Variants in FCRL3 observed in about 807,000 individuals in gnomAD.
The protein encoded by FCRL3 is Fc receptor like 3.
In FCRL3, 89 loss-of-function variants were observed where a neutral mutation model predicts 75.0. That is an observed-to-expected ratio of 1.19 (90% confidence interval 1.00 to 1.42). The LOEUF (loss-of-function observed/expected upper bound fraction) is 1.42. FCRL3 is among the 40% of genes most tolerant of loss of function. The probability of loss-of-function intolerance (pLI) is 0.00; values close to 1 mark genes in which losing one functional copy is unlikely to be tolerated. For synonymous variants in FCRL3, 376 were observed against 348.5 expected (o/e 1.08, Z -0.88); for missense variants, 946 against 880.0 (o/e 1.07, Z -0.95).
intron 10 of FCRL3, among the ~76,000 whole-genome samples, chr1:157,688,085 C>T (rs971554763): frequency 2.0e-5 from 3 of 151,702 alleles, no homozygotes; most frequent in Non-Finnish European, 2.9e-5. Flanking sequence ...GACATGAAAC[C>T]TAATCATATC....
At chr1:157,690,093 C>T (rs934343217) in intron 9 of FCRL3, among the ~76,000 whole-genome samples, 162 bp downstream of exon 9, 4 of 152,330 alleles carry the variant, frequency 2.6e-5, no homozygotes, top group South Asian at 4.1e-4. Flanking sequence ...AAATGTATTT[C>T]CTTTCCCTCT....
In FCRL3 at chr1:157,678,215, T is replaced by G; in HGVS notation, c.*495A>C. 1 of 987,446 alleles carries G rather than the reference T, an allele frequency of 1.0e-6. No individual in the cohort carries two copies. 61.2% of individuals were successfully genotyped at this position (987,446 alleles called of 1,614,324 possible). A position where few individuals can be genotyped will look rare whatever the true frequency, so the allele number is the denominator to read the frequency against. On this transcript the variant is annotated 3_prime_UTR_variant, in exon 15 of 15. Transcript: ENST00000368184. Reference sequence around the variant, plus strand: ...AGATAGAGTCACCTTAAATTCTTGTTCTATAACTTCTTTTGGCTGTTCCCA... The same window carrying G: ...AGATAGAGTCACCTTAAATTCTTGTGCTATAACTTCTTTTGGCTGTTCCCA...
In FCRL3 at chr1:157,690,513, G is replaced by A. The variant is rs1571205348; in HGVS notation, c.1432C>T (p.Leu478Phe). ...RVTVPVSRPV[L>F]TLRAPGAQAV... is the part of the protein sequence containing the mutation. ...TGGGCCCCGGGAGCCCTGAGGGTGAGGACGGGGCGAGACACCGGAACTGAG... is the reference window on the plus strand; with the variant it reads ...TGGGCCCCGGGAGCCCTGAGGGTGAAGACGGGGCGAGACACCGGAACTGAG... Residue 478 changes from leucine (L) to phenylalanine (F), a missense_variant, in exon 9 of 15, where the codon CTC (leucine) becomes TTC (phenylalanine). Leu to Phe is a conservative substitution (Grantham distance 22, BLOSUM62 0). Transcript: ENST00000368184. 12 of 1,614,226 alleles carry A rather than the reference G, an allele frequency of 7.4e-6. No individual in the cohort carries two copies. The East Asian group carries it at 2.7e-4, about 36-fold the overall frequency.
At position 157,697,124 on chromosome 1, in the gene FCRL3, C is replaced by T. The variant is rs376560506; in HGVS notation, c.844+16G>A. 3.2e-5 allele frequency: 45 copies of T among 1,417,330 alleles called. No homozygotes were observed. The highest frequency in any genetic ancestry group is 4.1e-5 in the Non-Finnish European group (44 of 1,079,878). The allele number at this position is 1,417,330 out of a possible 1,614,324, so 87.8% of individuals were successfully genotyped here. A position where few individuals can be genotyped will look rare whatever the true frequency, so the allele number is the denominator to read the frequency against. On this transcript the variant is annotated intron_variant, in intron 6 of 14. Transcript: ENST00000368184. ...CCCAGCTCTGACTCTGGAAGAGCAG[C>T]CCCTTAGACACTCACTCTGTACACG...
At position 157,676,893 on chromosome 1, in the gene FCRL3, C is replaced by A; in HGVS notation, c.*1817G>T. ...CAGGGTTAGAAAGGAGGAGAGCCTC[C>A]ATATACAGCCTGGTGGTTGGTACCC... On this transcript the variant is annotated 3_prime_UTR_variant, in exon 15 of 15. Coordinates refer to ENST00000368184, the MANE Select transcript of FCRL3 (RefSeq NM_052939.4). The A allele has an allele frequency of 1.4e-6, 2 of 1,475,718 alleles. No homozygotes were observed. The highest frequency in any genetic ancestry group is 1.8e-6 in the Non-Finnish European group (2 of 1,116,480). 91.4% of individuals were successfully genotyped at this position (1,475,718 alleles called of 1,614,324 possible).
At chr1:157,697,956 T>C (rs1656062531) in intron 4 of FCRL3, 37 bp from the exon 5 acceptor site, 3 of 1,596,068 alleles carry the variant, frequency 1.9e-6, no homozygotes, top group Non-Finnish European at 2.6e-6. Flanking sequence ...GGTTATCCCC[T>C]GCTGTTTCTG....
In FCRL3 at chr1:157,677,838, A is replaced by G. The variant is rs1654556901; in HGVS notation, c.*872T>C. The stretch of plus-strand genomic sequence containing the variant: ...ATTAATATGATAGAAATAGGAGAGC[A>G]TGGGAATAATGAACATGAGATTTAG... On this transcript the variant is annotated 3_prime_UTR_variant, in exon 15 of 15. Coordinates refer to ENST00000368184, the MANE Select transcript of FCRL3 (RefSeq NM_052939.4). 2 of 581,244 alleles carry G rather than the reference A, an allele frequency of 3.4e-6. No individual in the cohort carries two copies. Among genetic ancestry groups the G allele is most frequent in the Admixed American group, 6.4e-5 (1 of 15,726 alleles). 36.0% of individuals were successfully genotyped at this position (581,244 alleles called of 1,614,324 possible). A position where few individuals can be genotyped will look rare whatever the true frequency, so the allele number is the denominator to read the frequency against.
Position 157,678,969 on chromosome 1 carries a change from A to G in FCRL3, c.2031T>C (p.Asn677=), listed in dbSNP as rs1348533890. ...SIQHTKENSA[N]CPMMHQEHEE... is the part of the protein sequence containing the mutation. Reference sequence around the variant, plus strand: ...CATGCTCTTGATGCATCATTGGACAATTAGCTGTTGGGTAGGAGTAGCAAA... The same window carrying G: ...CATGCTCTTGATGCATCATTGGACAGTTAGCTGTTGGGTAGGAGTAGCAAA... Residue 677 remains asparagine, a synonymous_variant, in exon 14 of 15, where the codon AAT becomes AAC. Transcript: ENST00000368184. 2 of 1,614,054 alleles carry G rather than the reference A, an allele frequency of 1.2e-6. No individual in the cohort carries two copies. Among genetic ancestry groups the G allele is most frequent in the Non-Finnish European group, 1.7e-6 (2 of 1,180,020 alleles).
intron 10 of FCRL3, among the ~76,000 whole-genome samples, chr1:157,683,878 C>G (rs190901343): frequency 2.0e-5 from 3 of 152,284 alleles, no homozygotes; most frequent in Admixed American, 2.0e-4. Flanking sequence ...AGTAAACTGT[C>G]TCCATGCACA....
chr1:157,679,030 T>C (rs1221428835), intron 13 of FCRL3, 57 bp from the exon 14 acceptor site: 7 of 1,577,198 alleles, frequency 4.4e-6, no homozygotes, highest in African/African-American at 1.3e-5. Flanking sequence ...TATTCCAACT[T>C]ACAACGTACG....
rs1268781716 is a variant in FCRL3 at position 157,677,616 on chromosome 1, T to G, written c.*1094A>C. Reference sequence around the variant, plus strand: ...TTGATGGTGATAGCTAGGAAAACATTAAGCCAGATATTTTACACAAGTAAA... The same window carrying G: ...TTGATGGTGATAGCTAGGAAAACATGAAGCCAGATATTTTACACAAGTAAA... On this transcript the variant is annotated 3_prime_UTR_variant, in exon 15 of 15. Transcript: ENST00000368184. The G allele has an allele frequency of 1.0e-6, 1 of 984,824 alleles. No homozygotes were observed. Among genetic ancestry groups the G allele is most frequent in the Non-Finnish European group, 1.2e-6 (1 of 829,580 alleles). The allele number at this position is 984,824 out of a possible 1,614,324, so 61.0% of individuals were successfully genotyped here. A position where few individuals can be genotyped will look rare whatever the true frequency, so the allele number is the denominator to read the frequency against.
chr1:157,683,307 A>G (rs1164537996), intron 10 of FCRL3, 63 bp from the exon 11 acceptor site: 1 of 1,579,816 alleles, frequency 6.3e-7, no homozygotes. Context: ...ACTCTCTGTT[A>G]GAACATTTTT....
chr1:157,690,651 C>T (rs1655468636), intron 8 of FCRL3, 118 bp from the exon 9 acceptor site: 2 of 1,289,980 alleles, frequency 1.6e-6, no homozygotes, highest in Non-Finnish European at 2.1e-6. Context: ...TTCTGGAGAA[C>T]CTGGGCTTCA....
At chr1:157,681,242 T>A (rs7546300) in intron 11 of FCRL3, 143 bp from the exon 12 acceptor site, 101,153 of 441,126 alleles carry the variant, frequency 0.23, 12,836 homozygotes, top group African/African-American at 0.41. Context: ...TCTTTTTTTT[T>A]AATTTTATTA....
In FCRL3 at chr1:157,678,462, C is replaced by T. The variant is rs1038967064; in HGVS notation, c.*248G>A. On this transcript the variant is annotated 3_prime_UTR_variant, in exon 15 of 15. Coordinates refer to ENST00000368184, the MANE Select transcript of FCRL3 (RefSeq NM_052939.4). ...TTCGACAGCCCTAGGAGCTGAGGGC[C>T]CTCCTGCCTTGCCACGTGTCTCCAC... 12 of 1,356,140 alleles carry T rather than the reference C, an allele frequency of 8.8e-6. No individual in the cohort carries two copies. Among genetic ancestry groups the T allele is most frequent in the Non-Finnish European group, 1.1e-5 (12 of 1,052,478 alleles). The allele number at this position is 1,356,140 out of a possible 1,614,324, so 84.0% of individuals were successfully genotyped here.
intron 8 of FCRL3, among the ~76,000 whole-genome samples, chr1:157,694,152 T>C (rs538377771): frequency 2.8e-4 from 43 of 152,318 alleles, no homozygotes; most frequent in African/African-American, 1.0e-3. Flanking sequence ...GTTATTAATA[T>C]ACATATATGT....
intron 4 of FCRL3, 184 bp from the exon 5 acceptor site, chr1:157,698,103 A>C (rs1157532681): frequency 6.6e-6 from 5 of 762,010 alleles, no homozygotes; most frequent in Non-Finnish European, 2.1e-6. Flanking sequence ...ATTCCCAGAA[A>C]ATGTTCTTGA....
In FCRL3 at chr1:157,696,156, A is replaced by C. The variant is rs767917731; in HGVS notation, c.1016T>G (p.Leu339Arg). The C allele has an allele frequency of 2.5e-6, 4 of 1,613,966 alleles. No homozygotes were observed. The South Asian group carries it at 3.3e-5, about 13-fold the overall frequency. ...GGTGAGAACATGCAGCTCTGCCAAC[A>C]GGGAACGCTGGGTCTTTCTACCCAG... ...RSLGRKTQRS[L>R]LAELHVLTVK... Residue 339 changes from leucine (L) to arginine (R), a missense_variant, in exon 7 of 15, where the codon CTG becomes CGG. Coordinates refer to ENST00000368184, the MANE Select transcript of FCRL3 (RefSeq NM_052939.4).
intron 10 of FCRL3, among the ~76,000 whole-genome samples, chr1:157,688,794 C>A (rs903893226): frequency 6.6e-6 from 1 of 152,016 alleles, no homozygotes; most frequent in South Asian, 2.1e-4. Flanking sequence ...TAAACATGGA[C>A]GTAAACATCC....
Sources: allele counts gnomAD v4.1 joint callset (sites outside exome capture counted in the v4.1 genomes callset), GRCh38; gene constraint gnomAD v4.1.1; transcripts MANE v1.5; gene names NCBI Gene and HGNC (gene_info 2026-07-23, HGNC 2026-07-21).